The following AGAP1 variants were observed in gnomAD, a reference collection of about 807,000 sequenced individuals.
AGAP1 encodes the protein arf-GAP with GTPase, ANK repeat and PH domain-containing protein 1.
AGAP1 carries 29 observed loss-of-function variants against 105.3 expected under a neutral mutation model. The observed-to-expected ratio is 0.28, with a 90% CI of 0.21 to 0.38. The LOEUF is 0.38. Ranked by LOEUF, AGAP1 falls within the 10% of genes least tolerant of loss-of-function variation. AGAP1 has a pLI of 1.00. For missense variants in AGAP1, 998 were observed against 1,165.1 expected, an observed-to-expected ratio of 0.86 and a Z score of 2.09; for synonymous variants, 509 against 485.9, an observed-to-expected ratio of 1.05 and a Z score of -0.63.
intron 1 of AGAP1, among the ~76,000 whole-genome samples, chr2:235,525,289 G>A (rs1942785615): frequency 6.6e-6 from 1 of 151,824 alleles, no homozygotes; most frequent in Non-Finnish European, 1.5e-5. Context: ...ATAATGTGGA[G>A]GACTGATACA....
chr2:235,850,846 A>G (rs1214072847), intron 9 of AGAP1, among the ~76,000 whole-genome samples: 2 of 152,222 alleles, frequency 1.3e-5, no homozygotes, highest in Admixed American at 6.5e-5. Flanking sequence ...TGTCAAGTGC[A>G]TTCCAGGGAG....
rs1318363405 is a variant in AGAP1, at chr2:235,620,467, A to T, written c.164-88712A>T. ...CTCTGCTGATCCTTCAACCAAATGCATGCTCCTGACCCTTACATGTCTGCA... is the reference window on the plus strand; with the variant it reads ...CTCTGCTGATCCTTCAACCAAATGCTTGCTCCTGACCCTTACATGTCTGCA... On this transcript the variant is annotated intron_variant, in intron 1 of 17. Coordinates refer to ENST00000304032, the MANE Select transcript of AGAP1 (RefSeq NM_001037131.3). This position sits in a 1 kb window ranked among gnomAD's most constrained non-coding sequence, Gnocchi z 4.5. Among the ~76,000 whole-genome samples the T allele has an allele frequency of 6.6e-6, 1 of 151,950 alleles. No homozygotes were observed. Among genetic ancestry groups the T allele is most frequent in the Non-Finnish European group, 1.5e-5 (1 of 67,988 alleles).
At chr2:235,588,910 C>G (rs918942304) in intron 1 of AGAP1, among the ~76,000 whole-genome samples, 1 of 152,130 alleles carries the variant, frequency 6.6e-6, no homozygotes, top group Non-Finnish European at 1.5e-5. Flanking sequence ...GCTTTCCTGG[C>G]TTATTTGAGA....
At chr2:236,077,338 T>G (rs2058667537) in intron 16 of AGAP1, among the ~76,000 whole-genome samples, 1 of 150,128 alleles carries the variant, frequency 6.7e-6, no homozygotes, top group South Asian at 2.1e-4. Context: ...TTTTTTTTTT[T>G]GAGACAGTTT....
At chr2:235,641,434 A>ATT (rs57323978) in intron 1 of AGAP1, among the ~76,000 whole-genome samples, 1 of 123,256 alleles carries the variant, frequency 8.1e-6, no homozygotes, top group Non-Finnish European at 1.7e-5. Flanking sequence ...CCCCGACCCG[A>ATT]TTTTTTTTTT....
Position 235,717,576 on chromosome 2 carries a change from C to A in AGAP1, c.242C>A (p.Ala81Asp). ...TTTCAGGGAATTGTGGGTAACTTGG[C>A]CAGCGGCAAGTCTGCCCTGGTGCAC... ...ELKVGIVGNL[A>D]SGKSALVHRY... The change falls in exon 3 of 18, where the codon GCC becomes GAC. Residue 81 changes from alanine (A) to aspartate (D), a missense_variant. Ala to Asp is a moderately radical substitution (Grantham distance 126). This residue lies in a region of AGAP1 where 735 missense variants were observed against 833.4 expected (regional missense o/e 0.88). Coordinates refer to ENST00000304032, the MANE Select transcript of AGAP1 (RefSeq NM_001037131.3). 6.3e-7 allele frequency: 1 copy of A among 1,598,814 alleles called. No homozygotes were observed. Among genetic ancestry groups the A allele is most frequent in the South Asian group, 1.1e-5 (1 of 87,632 alleles).
In AGAP1 at chr2:236,119,051, C is replaced by T. The variant is rs1319443534; in HGVS notation, c.2115-1141C>T. Among the ~76,000 whole-genome samples, 4 of 152,118 alleles carry T rather than the reference C, an allele frequency of 2.6e-5. No homozygotes were observed. Among genetic ancestry groups the T allele is most frequent in the Admixed American group, 6.5e-5 (1 of 15,270 alleles). On this transcript the variant is annotated intron_variant, in intron 16 of 17. Coordinates refer to ENST00000304032, the MANE Select transcript of AGAP1 (RefSeq NM_001037131.3). The surrounding 1 kb of genome is among the most constrained non-coding windows in gnomAD (Gnocchi z 6.6). Reference sequence around the variant, plus strand: ...TCATCCTGTCCTCTCCTTCTTAGCCCTCCCCACAGATGTGTAGCAGGGTCC... The same window carrying T: ...TCATCCTGTCCTCTCCTTCTTAGCCTTCCCCACAGATGTGTAGCAGGGTCC...
chr2:235,856,680 C>T (rs930859576), intron 9 of AGAP1, among the ~76,000 whole-genome samples: 6 of 152,262 alleles, frequency 3.9e-5, no homozygotes, highest in African/African-American at 1.4e-4. Flanking sequence ...GTACACAGGC[C>T]AGGATGGGAA....
intron 13 of AGAP1, among the ~76,000 whole-genome samples, chr2:236,018,705 T>C (rs2056789581): frequency 6.6e-6 from 1 of 152,184 alleles, no homozygotes; most frequent in African/African-American, 2.4e-5. Context: ...CCTCTTCAAA[T>C]AGGTGATGAC....
chr2:235,882,592 T>C lies in AGAP1; in HGVS notation c.1051-753T>C. 2.0e-6 allele frequency: 1 copy of C among 495,656 alleles called. No homozygotes were observed. The highest frequency in any genetic ancestry group is 3.6e-6 in the Non-Finnish European group (1 of 274,524). 30.7% of individuals were successfully genotyped at this position (495,656 alleles called of 1,614,324 possible). A position where few individuals can be genotyped will look rare whatever the true frequency, so the allele number is the denominator to read the frequency against. ...AATTCCCCTGCTCAGCCTCCCCGAG[T>C]AGCTGGGATTATAGGTGCCCACCAC... On this transcript the variant is annotated intron_variant, in intron 9 of 17. Coordinates refer to ENST00000304032, the MANE Select transcript of AGAP1 (RefSeq NM_001037131.3). The surrounding 1 kb of genome is among the most constrained non-coding windows in gnomAD (Gnocchi z 4.6).
At chr2:235,629,267 ATTGTGTGTGTGT>A (rs1371060253) in intron 1 of AGAP1, among the ~76,000 whole-genome samples, 1 of 116,694 alleles carries the variant, frequency 8.6e-6, no homozygotes, top group Non-Finnish European at 1.8e-5. Context: ...AGTAGTAGTC[ATTGTGTGTGTGT>A]GTGTGTGTGT....
In AGAP1 at chr2:235,750,409, C is replaced by A; in HGVS notation, c.594C>A (p.Leu198=). Residue 198 remains leucine (L), a synonymous_variant, in exon 6 of 18, where the codon CTC becomes CTA. Transcript: ENST00000304032. The surrounding 1 kb of genome is among the most constrained non-coding windows in gnomAD (Gnocchi z 5.3). ...TCGATGACGCCAGGGCGAGGAAGCT[C>A]TCCAACGACCTGAAACGGTGCACGT... ...RVIDDARARK[L]SNDLKRCTYY... The A allele has an allele frequency of 6.2e-7, 1 of 1,614,174 alleles. No homozygotes were observed.
rs1446555883 is a variant in AGAP1, at chr2:236,121,984, C to G, written c.2370+1537C>G. Among the ~76,000 whole-genome samples, 2 of 145,802 alleles carry G rather than the reference C, an allele frequency of 1.4e-5. No individual in the cohort carries two copies. Among genetic ancestry groups the G allele is most frequent in the Non-Finnish European group, 3.0e-5 (2 of 66,932 alleles). ...CCCTTCTTTTTGGGACAAAGTCTTG[C>G]TCTGTCGTCCAGGCTGGAGTGCAGT... is the stretch of plus-strand genomic sequence containing the variant. On this transcript the variant is annotated intron_variant, in intron 17 of 17. Coordinates refer to ENST00000304032, the MANE Select transcript of AGAP1 (RefSeq NM_001037131.3). The surrounding 1 kb of genome is among the most constrained non-coding windows in gnomAD (Gnocchi z 4.9).
rs1010478859 is a variant in AGAP1 at position 236,114,008 on chromosome 2, T to C, written c.2115-6184T>C. ...TGATGAGTCGCCCATTCCCTCATTT[T>C]CCCTCACTCTCCTGCGGCTGATTTA... On this transcript the variant is annotated intron_variant, in intron 16 of 17. Coordinates refer to ENST00000304032, the MANE Select transcript of AGAP1 (RefSeq NM_001037131.3). This position sits in a 1 kb window ranked among gnomAD's most constrained non-coding sequence, Gnocchi z 5.0. Among the ~76,000 whole-genome samples, 2 of 152,192 alleles carry C rather than the reference T, an allele frequency of 1.3e-5. No homozygotes were observed. Among genetic ancestry groups the C allele is most frequent in the Non-Finnish European group, 2.9e-5 (2 of 68,042 alleles).
chr2:235,773,636 T>C (rs964729511), intron 6 of AGAP1, among the ~76,000 whole-genome samples: 1 of 152,202 alleles, frequency 6.6e-6, no homozygotes, highest in African/African-American at 2.4e-5. Flanking sequence ...TCTGTTCTAC[T>C]ACCTCACTAT....
intron 13 of AGAP1, among the ~76,000 whole-genome samples, chr2:235,999,687 G>A (rs1395332421): frequency 4.0e-5 from 6 of 151,850 alleles, no homozygotes; most frequent in South Asian, 4.2e-4. Flanking sequence ...GGTGGTGGTC[G>A]TGGTGGTGAT....
At chr2:235,912,447 C>T (rs2051664735) in intron 11 of AGAP1, among the ~76,000 whole-genome samples, 1 of 152,156 alleles carries the variant, frequency 6.6e-6, no homozygotes, top group African/African-American at 2.4e-5. Flanking sequence ...TCACTCTTGA[C>T]TCATTTGTTT....
At chr2:235,854,171 C>T (rs4414632) in intron 9 of AGAP1, among the ~76,000 whole-genome samples, 22,543 of 152,120 alleles carry the variant, frequency 0.15, 2,004 homozygotes, top group South Asian at 0.24. Context: ...TTCCCGGGCT[C>T]GTGGGGTCAC....
intron 1 of AGAP1, among the ~76,000 whole-genome samples, chr2:235,637,021 G>A (rs561747239): frequency 4.6e-5 from 7 of 152,208 alleles, no homozygotes; most frequent in South Asian, 2.1e-4. Context: ...CCCTGCTGAC[G>A]CTTTGATCTT....
Sources: gnomAD v4.1 joint callset for allele counts (sites outside exome capture counted in the v4.1 genomes callset) on GRCh38, gnomAD v4.1.1 for gene constraint, gnomAD v4.1.1 regional missense constraint, Gnocchi (gnomAD v3.1) non-coding constraint, MANE v1.5 for transcripts, NCBI Gene and HGNC (gene_info 2026-07-23, HGNC 2026-07-21) for gene names.